Variants in PCDHGB6 observed in about 807,000 individuals in gnomAD.
PCDHGB6 encodes protocadherin gamma-B6.
In PCDHGB6, 51 loss-of-function variants were observed where a neutral mutation model predicts 59.1. That is an observed-to-expected ratio of 0.86 (90% CI 0.69 to 1.09). The LOEUF (loss-of-function observed/expected upper bound fraction) is 1.09. PCDHGB6 is among the 50% of genes least tolerant of loss of function. The probability of loss-of-function intolerance (pLI) is 0.00; values close to 1 mark genes in which losing one functional copy is unlikely to be tolerated. For missense variants in PCDHGB6, 1,148 were observed against 1,205.1 expected (o/e 0.95, Z 0.70); for synonymous variants, 466 against 495.1 (o/e 0.94, Z 0.78).
intron 1 of PCDHGB6, among the ~76,000 whole-genome samples, chr5:141,472,980 C>CAAAAAAAAAAAAAAAAAGAAAAAAA (rs2099309731): frequency 1.2e-5 from 1 of 86,102 alleles, no homozygotes; most frequent in African/African-American, 3.9e-5. Flanking sequence ...GAGTGAAACT[C>CAAAAAAAAAAAAAAAAAGAAAAAAA]AAAAAAAAAA....
chr5:141,415,764 T>G lies in PCDHGB6; in HGVS notation c.2418+5144T>G, dbSNP rs1158166352. The G allele has an allele frequency of 5.0e-6, 7 of 1,391,674 alleles. No homozygotes were observed. The African/African-American group carries it at 7.5e-5, about 15-fold the overall frequency. 86.2% of individuals were successfully genotyped at this position (1,391,674 alleles called of 1,614,324 possible). Reference sequence around the variant, plus strand: ...GGTTTTTTTTTTTTTTTTTTTTTTTTTTTTTTTTACTTTCTGGTAAAATTC... The same window carrying G: ...GGTTTTTTTTTTTTTTTTTTTTTTTGTTTTTTTTACTTTCTGGTAAAATTC... On this transcript the variant is annotated intron_variant, in intron 1 of 3. Coordinates refer to ENST00000520790, the MANE Select transcript of PCDHGB6 (RefSeq NM_018926.3).
chr5:141,511,241 C>A lies in PCDHGB6; in HGVS notation c.*68C>A. On this transcript the variant is annotated 3_prime_UTR_variant, in exon 4 of 4. Coordinates refer to ENST00000520790, the MANE Select transcript of PCDHGB6 (RefSeq NM_018926.3). ...CCAGCCCAGCTTCTCCTTACCTGCA[C>A]CCAGGCCTCAGAGTTTCAGGGCTAA... 1 of 1,585,212 alleles carries A rather than the reference C, an allele frequency of 6.3e-7. No individual in the cohort carries two copies. The highest frequency in any genetic ancestry group is 8.6e-7 in the Non-Finnish European group (1 of 1,165,762).
chr5:141,441,700 T>TCAAG (rs1409793305), intron 1 of PCDHGB6: 1 of 308,660 alleles, frequency 3.2e-6, no homozygotes, highest in African/African-American at 2.3e-5. Context: ...CCGCGAGCCT[T>TCAAG]CAAGCTCACG....
At chr5:141,413,385 A>G (rs1328460811) in intron 1 of PCDHGB6, 23 of 1,613,870 alleles carry the variant, frequency 1.4e-5, no homozygotes, top group Non-Finnish European at 1.8e-5. Flanking sequence ...GAGTCCGCAT[A>G]GTCTCCAGAG....
At position 141,477,269 on chromosome 5, in the gene PCDHGB6, G is replaced by A; in HGVS notation, c.2419-17538G>A. On this transcript the variant is annotated intron_variant, in intron 1 of 3. Coordinates refer to ENST00000520790, the MANE Select transcript of PCDHGB6 (RefSeq NM_018926.3). This position sits in a 1 kb window ranked among gnomAD's most constrained non-coding sequence, Gnocchi z 4.9. Reference sequence around the variant, plus strand: ...GACTGACCTGGATGCTGGCGAGAACGGGCTGGTGACCTGCGAAGTTCCACC... The same window carrying A: ...GACTGACCTGGATGCTGGCGAGAACAGGCTGGTGACCTGCGAAGTTCCACC... 1.9e-6 allele frequency: 3 copies of A among 1,614,154 alleles called. No individual in the cohort carries two copies. Among genetic ancestry groups the A allele is most frequent in the Non-Finnish European group, 2.5e-6 (3 of 1,180,030 alleles).
intron 1 of PCDHGB6, chr5:141,428,910 A>C (rs956124609): frequency 1.3e-5 from 2 of 151,302 alleles, no homozygotes; most frequent in Non-Finnish European, 2.9e-5. Context: ...GCTGGAGTGC[A>C]GTGGCATGAT....
rs2099648980 is a variant in PCDHGB6 at position 141,487,537 on chromosome 5, G to A, written c.2419-7270G>A. ...CTCGGAGTGATAGCTTCATGATGGT[G>A]AAGTCACCCAGTGCACCTATGGCAG... On this transcript the variant is annotated intron_variant, in intron 1 of 3. Transcript: ENST00000520790. The surrounding 1 kb of genome is among the most constrained non-coding windows in gnomAD (Gnocchi z 5.0). The A allele has an allele frequency of 1.2e-6, 2 of 1,614,188 alleles. No individual in the cohort carries two copies. Among genetic ancestry groups the A allele is most frequent in the Admixed American group, 1.7e-5 (1 of 60,028 alleles).
rs561329093 is a variant in PCDHGB6 at position 141,509,163 on chromosome 5, C to A, written c.2567-1784C>A. Among the ~76,000 whole-genome samples the A allele has an allele frequency of 1.4e-4, 21 of 152,322 alleles. No individual in the cohort carries two copies. In the South Asian group the frequency reaches 4.1e-3, roughly 30 times the overall value. On this transcript the variant is annotated intron_variant, in intron 3 of 3. Coordinates refer to ENST00000520790, the MANE Select transcript of PCDHGB6 (RefSeq NM_018926.3). ...CATCCCGGCTCTCCCCTCCCGTGTG[C>A]CCTCCTCCTCTTATGCCGGCTTGAA...
At position 141,487,063 on chromosome 5, in the gene PCDHGB6, G is replaced by A. The variant is rs754361361; in HGVS notation, c.2419-7744G>A. 39 of 1,614,086 alleles carry A rather than the reference G, an allele frequency of 2.4e-5. No individual in the cohort carries two copies. In the South Asian group the frequency reaches 3.7e-4, roughly 15 times the overall value. The stretch of plus-strand genomic sequence containing the variant: ...CTCGATATGCTGGGGAGGTGCGGAC[G>A]GCTGTTCCTATCCCAGCTGACCTCC... On this transcript the variant is annotated intron_variant, in intron 1 of 3. Transcript: ENST00000520790. The surrounding 1 kb of genome is among the most constrained non-coding windows in gnomAD (Gnocchi z 5.0).
intron 2 of PCDHGB6, among the ~76,000 whole-genome samples, chr5:141,496,827 C>A (rs1595415247): frequency 6.6e-6 from 1 of 151,780 alleles, no homozygotes; most frequent in East Asian, 1.9e-4. Context: ...TAGATGTGAT[C>A]CCAGAACTCA....
intron 1 of PCDHGB6, chr5:141,478,509 G>A: frequency 1.2e-6 from 2 of 1,611,878 alleles, no homozygotes; most frequent in South Asian, 1.1e-5. Flanking sequence ...GTGTTCTATA[G>A]GCAGGTGTTG....
chr5:141,421,362 C>T (rs2096566609), intron 1 of PCDHGB6: 1 of 1,613,998 alleles, frequency 6.2e-7, no homozygotes, highest in African/African-American at 1.3e-5. Context: ...AGGGCTCCTT[C>T]GTGGGCAATA....
intron 1 of PCDHGB6, chr5:141,423,330 C>G (rs932335651): frequency 9.9e-6 from 16 of 1,614,056 alleles, no homozygotes; most frequent in Middle Eastern, 1.6e-4. Flanking sequence ...TGGCCGCAGT[C>G]TCCTGCATCT....
intron 1 of PCDHGB6, among the ~76,000 whole-genome samples, chr5:141,468,754 T>C (rs1205525962): frequency 6.6e-6 from 1 of 152,036 alleles, no homozygotes; most frequent in Admixed American, 6.6e-5. Flanking sequence ...TAGTCCCAGC[T>C]ACTCGGGAGG....
At position 141,408,714 on chromosome 5, in the gene PCDHGB6, A is replaced by G. The variant is rs771519650; in HGVS notation, c.512A>G (p.Lys171Arg). The G allele has an allele frequency of 5.0e-6, 8 of 1,612,346 alleles. No individual in the cohort carries two copies. The highest frequency in any genetic ancestry group is 6.8e-6 in the Non-Finnish European group (8 of 1,178,934). The stretch of plus-strand genomic sequence containing the variant: ...AACATAAACTCAATTAAAGATTATA[A>G]GATAAACTCTAATCCTTATTTTTCA... Reference protein sequence around the residue: ...DININSIKDYKINSNPYFSLM... With the variant: ...DININSIKDYRINSNPYFSLM... The change falls in exon 1 of 4, where the codon AAG becomes AGG. Residue 171 changes from lysine to arginine, a missense_variant. Lys to Arg is a conservative substitution (Grantham distance 26). Transcript: ENST00000520790.
intron 1 of PCDHGB6, chr5:141,423,413 C>T (rs757696505): frequency 2.5e-6 from 4 of 1,614,022 alleles, no homozygotes; most frequent in South Asian, 2.2e-5. Flanking sequence ...CTGCAGGCTT[C>T]TGAAGGCGGG....
At position 141,490,645 on chromosome 5, in the gene PCDHGB6, C is replaced by G; in HGVS notation, c.2419-4162C>G. ...TGCTTACATCCTAGAAAACCGGCCTCCGGGCTCCCTTCTTTGCACTGTGGC... is the reference window on the plus strand; with the variant it reads ...TGCTTACATCCTAGAAAACCGGCCTGCGGGCTCCCTTCTTTGCACTGTGGC... On this transcript the variant is annotated intron_variant, in intron 1 of 3. Transcript: ENST00000520790. The surrounding 1 kb of genome is among the most constrained non-coding windows in gnomAD (Gnocchi z 5.4). 6.2e-7 allele frequency: 1 copy of G among 1,614,220 alleles called. No homozygotes were observed. Among genetic ancestry groups the G allele is most frequent in the Non-Finnish European group, 8.5e-7 (1 of 1,180,022 alleles).
chr5:141,467,162 C>T (rs765574629), intron 1 of PCDHGB6, among the ~76,000 whole-genome samples: 1 of 151,724 alleles, frequency 6.6e-6, no homozygotes, highest in Non-Finnish European at 1.5e-5. Flanking sequence ...AAGTGATTCT[C>T]ATCTCTCAGC....
rs765969768 is a variant in PCDHGB6, at chr5:141,421,456, G to A, written c.2418+10836G>A. ...CTCCAGAGGGAAGACACAGCTTTTC[G>A]CTGTGAATCCGCGAAGCGGCAGCTT... is the stretch of plus-strand genomic sequence containing the variant. On this transcript the variant is annotated intron_variant, in intron 1 of 3. Transcript: ENST00000520790. 9.3e-6 allele frequency: 15 copies of A among 1,614,132 alleles called. No homozygotes were observed. Among genetic ancestry groups the A allele is most frequent in the Non-Finnish European group, 1.1e-5 (13 of 1,179,948 alleles).
Sources: gnomAD v4.1 joint callset for allele counts (sites outside exome capture counted in the v4.1 genomes callset) on GRCh38, gnomAD v4.1.1 for gene constraint, Gnocchi (gnomAD v3.1) non-coding constraint, MANE v1.5 for transcripts, NCBI Gene and HGNC (gene_info 2026-07-23, HGNC 2026-07-21) for gene names.